The following PCDHA1 variants were observed in gnomAD, a reference collection of about 807,000 sequenced individuals.
PCDHA1 encodes the protein protocadherin alpha 1.
PCDHA1 carries 42 observed loss-of-function variants against 61.3 expected under a neutral mutation model. The observed-to-expected ratio is 0.69, with a 90% confidence interval of 0.54 to 0.89. The LOEUF is 0.89. PCDHA1 is among the 40% of genes least tolerant of loss of function. The pLI, the probability that PCDHA1 is intolerant of heterozygous loss-of-function variation, is 0.00. For missense variants in PCDHA1, 1,256 were observed against 1,235.3 expected, an observed-to-expected ratio of 1.02 and a Z score of -0.25; for synonymous variants, 610 against 553.8, an observed-to-expected ratio of 1.10 and a Z score of -1.43.
intron 1 of PCDHA1, chr5:140,869,322 C>T (rs1169893950): frequency 1.9e-6 from 3 of 1,613,818 alleles, no homozygotes; most frequent in East Asian, 4.5e-5. Flanking sequence ...CACATGGGGA[C>T]CTTCTGGAGG....
chr5:140,850,793 G>C (rs1232565289), intron 1 of PCDHA1: 2 of 1,598,464 alleles, frequency 1.3e-6, no homozygotes, highest in Non-Finnish European at 1.7e-6. Flanking sequence ...GTAAGCAGAA[G>C]ACCGACCTCA....
intron 1 of PCDHA1, among the ~76,000 whole-genome samples, chr5:140,974,994 A>G (rs901871984): frequency 6.6e-6 from 1 of 152,126 alleles, no homozygotes; most frequent in South Asian, 2.1e-4. Context: ...AGGTATTCTC[A>G]AGGCTGAAAT....
chr5:140,977,974 A>G (rs2096783738), intron 1 of PCDHA1, among the ~76,000 whole-genome samples: 1 of 152,182 alleles, frequency 6.6e-6, no homozygotes, highest in African/African-American at 2.4e-5. Context: ...CCGCCCATGA[A>G]AACGCATCTA....
At chr5:140,795,717 G>A (rs375544937) in intron 1 of PCDHA1, 3 of 1,613,984 alleles carry the variant, frequency 1.9e-6, no homozygotes, top group Non-Finnish European at 8.5e-7. Flanking sequence ...AAGTAAAATT[G>A]TTAGAGAATA....
chr5:140,842,458 A>C (rs1777969478), intron 1 of PCDHA1: 1 of 1,613,788 alleles, frequency 6.2e-7, no homozygotes, highest in South Asian at 1.1e-5. Context: ...ACCTCGATTC[A>C]GGTGCCAACG....
In PCDHA1 at chr5:140,807,979, T is replaced by C. The variant is rs116894179; in HGVS notation, c.2394+19295T>C. 3.1e-6 allele frequency: 5 copies of C among 1,613,764 alleles called. No individual in the cohort carries two copies. In the East Asian group the frequency reaches 8.9e-5, roughly 29 times the overall value. On this transcript the variant is annotated intron_variant, in intron 1 of 3. Transcript: ENST00000504120. ...CTAATGGAACATTGGTAATTAAACT[T>C]AACGCCTCAGATTTAGACGAAGGAT...
intron 1 of PCDHA1, among the ~76,000 whole-genome samples, chr5:140,926,138 T>C (rs2082936633): frequency 6.6e-6 from 1 of 152,004 alleles, no homozygotes; most frequent in African/African-American, 2.4e-5. Flanking sequence ...CGCAGCAGGA[T>C]CCAGCGCGGA....
Position 140,788,537 on chromosome 5 carries a change from G to A in PCDHA1, c.2247G>A (p.Ser749=). The A allele has an allele frequency of 6.2e-7, 1 of 1,614,104 alleles. No individual in the cohort carries two copies. The change falls in exon 1 of 4, where the codon TCG becomes TCA. Residue 749 remains serine, a synonymous_variant. Coordinates refer to ENST00000504120, the MANE Select transcript of PCDHA1 (RefSeq NM_018900.4). ...LVCSSALGSW[S]NSQQRRQRVC... is the part of the protein sequence containing the mutation. Reference sequence around the variant, plus strand: ...GCTCCAGCGCGTTGGGGAGCTGGTCGAACTCACAGCAGAGGCGGCAGAGGG... The same window carrying A: ...GCTCCAGCGCGTTGGGGAGCTGGTCAAACTCACAGCAGAGGCGGCAGAGGG...
chr5:140,870,537 G>C (rs575452776), intron 1 of PCDHA1: 1 of 1,614,172 alleles, frequency 6.2e-7, no homozygotes, highest in Non-Finnish European at 8.5e-7. Context: ...CAGTGTCGGC[G>C]CGGGACGCGG....
chr5:140,845,796 C>A (rs1780039234), intron 1 of PCDHA1, among the ~76,000 whole-genome samples: 1 of 149,428 alleles, frequency 6.7e-6, no homozygotes, highest in African/African-American at 2.5e-5. Flanking sequence ...TAAACTCTGG[C>A]AAGTGATAGG....
chr5:140,818,409 C>T (rs1766349946), intron 1 of PCDHA1, among the ~76,000 whole-genome samples: 1 of 152,056 alleles, frequency 6.6e-6, no homozygotes, highest in Non-Finnish European at 1.5e-5. Flanking sequence ...TTTTATTTTC[C>T]TTTTTAAAAA....
At chr5:140,888,967 G>T (rs1434157317) in intron 1 of PCDHA1, among the ~76,000 whole-genome samples, 1 of 152,000 alleles carries the variant, frequency 6.6e-6, no homozygotes, top group African/African-American at 2.4e-5. Flanking sequence ...CAATGTTAAT[G>T]TGTTGAATTT....
At chr5:140,833,614 T>A (rs1430791887) in intron 1 of PCDHA1, among the ~76,000 whole-genome samples, 2 of 152,120 alleles carry the variant, frequency 1.3e-5, no homozygotes, top group African/African-American at 4.8e-5. Flanking sequence ...AAGCAAAAAA[T>A]TCAGAATACT....
intron 1 of PCDHA1, among the ~76,000 whole-genome samples, chr5:140,900,051 C>G (rs1489382607): frequency 6.6e-6 from 1 of 152,168 alleles, no homozygotes; most frequent in African/African-American, 2.4e-5. Flanking sequence ...CTCAAGTGAT[C>G]CTTTAACCTC....
At chr5:140,967,754 T>G (rs782221420) in intron 1 of PCDHA1, 16 of 1,614,164 alleles carry the variant, frequency 9.9e-6, no homozygotes, top group South Asian at 7.7e-5. Flanking sequence ...GGAAGCCTCC[T>G]CCTACCAGAT....
chr5:140,927,015 G>A, intron 1 of PCDHA1: 1 of 1,612,466 alleles, frequency 6.2e-7, no homozygotes. Context: ...ATCTCTCCGC[G>A]GACTTGAGGC....
intron 1 of PCDHA1, among the ~76,000 whole-genome samples, chr5:140,934,913 G>A (rs1226804104): frequency 1.3e-5 from 2 of 152,062 alleles, no homozygotes; most frequent in African/African-American, 4.8e-5. Flanking sequence ...GAATAATTAT[G>A]GATTCACATA....
chr5:140,843,231 TGGACGAAGC>T lies in PCDHA1; in HGVS notation c.2394+54552_2394+54560del. 1.8e-5 allele frequency: 29 copies of T among 1,596,108 alleles called. 2 individuals carry two copies. The highest frequency in any genetic ancestry group is 2.5e-5 in the Non-Finnish European group (29 of 1,165,604). The stretch of plus-strand genomic sequence containing the variant: ...GGCGAGATCAGCACCACTCGTGTCC[TGGACGAAGC>T]GGACTCTCCGCGCCACCGTCTGCTG... On this transcript the variant is annotated intron_variant, in intron 1 of 3. Transcript: ENST00000504120.
intron 1 of PCDHA1, chr5:140,842,928 G>A (rs2150347921): frequency 6.3e-7 from 1 of 1,594,252 alleles, no homozygotes; most frequent in Admixed American, 1.7e-5. Flanking sequence ...TTCCAGGTGA[G>A]CGCGCGCGAC....
Sources: gnomAD v4.1 joint callset for allele counts (sites outside exome capture counted in the v4.1 genomes callset) on GRCh38, gnomAD v4.1.1 for gene constraint, MANE v1.5 for transcripts, NCBI Gene and HGNC (gene_info 2026-07-23, HGNC 2026-07-21) for gene names.